The following C9 variants were observed in gnomAD, a reference collection of about 807,000 sequenced individuals.
The protein encoded by C9 is complement C9.
C9 carries 63 observed loss-of-function variants against 65.4 expected under a neutral mutation model. That is an observed-to-expected ratio of 0.96 (90% CI 0.79 to 1.19). C9 has a LOEUF of 1.19. Among genes scored for constraint, C9 ranks in the 50% most tolerant of loss-of-function variants. C9 has a pLI of 0.00. For missense variants in C9, 744 were observed against 670.1 expected, an observed-to-expected ratio of 1.11 and a Z score of -1.22; for synonymous variants, 229 against 227.9, an observed-to-expected ratio of 1.00 and a Z score of -0.04.
chr5:39,310,096 C>T (rs1282970263), intron 7 of C9, among the ~76,000 whole-genome samples: 1 of 152,170 alleles, frequency 6.6e-6, no homozygotes, highest in African/African-American at 2.4e-5. Flanking sequence ...GAAAGCTTCT[C>T]TCTGCCCAAA....
chr5:39,339,281 G>A (rs578051261), intron 4 of C9, among the ~76,000 whole-genome samples: 60 of 152,362 alleles, frequency 3.9e-4, no homozygotes, highest in African/African-American at 1.4e-3. Context: ...GGCACTGTAA[G>A]TAATTTTGAA....
At position 39,341,691 on chromosome 5, in the gene C9, T is replaced by G; in HGVS notation, c.193A>C (p.Arg65=). ...DPCLRQMFRS[R]SIEVFGQFNG... ...AATTGTCCAAAGACCTCAATGCTTC[T>G]TGAACGAAACTGCACAATATCAGTT... Residue 65 remains arginine (R), a synonymous_variant, in exon 3 of 11, where the codon AGA becomes CGA. Coordinates refer to ENST00000263408, the MANE Select transcript of C9 (RefSeq NM_001737.5). The G allele has an allele frequency of 6.2e-7, 1 of 1,614,110 alleles. No homozygotes were observed. The highest frequency in any genetic ancestry group is 1.3e-5 in the African/African-American group (1 of 75,040).
chr5:39,307,567 G>T (rs1753404200), intron 8 of C9, among the ~76,000 whole-genome samples: 1 of 151,978 alleles, frequency 6.6e-6, no homozygotes, highest in Admixed American at 6.6e-5. Flanking sequence ...AAATATATCA[G>T]GTTTTTCCTC....
At chr5:39,357,545 C>G (rs955959154) in intron 1 of C9, among the ~76,000 whole-genome samples, 5 of 135,506 alleles carry the variant, frequency 3.7e-5, no homozygotes, top group Non-Finnish European at 5.1e-5. Context: ...GGCCTACACT[C>G]TAGTGGGTGA....
intron 5 of C9, among the ~76,000 whole-genome samples, chr5:39,321,008 T>C (rs1025940226): frequency 1.3e-5 from 2 of 152,108 alleles, no homozygotes; most frequent in African/African-American, 4.8e-5. Context: ...CCTCTAGACC[T>C]TCCTATAAGA....
At chr5:39,347,534 T>A (rs1754228339) in intron 1 of C9, among the ~76,000 whole-genome samples, 2 of 152,106 alleles carry the variant, frequency 1.3e-5, no homozygotes, top group South Asian at 2.1e-4. Flanking sequence ...TGCAAACAAA[T>A]GGAAGAACAT....
rs141699887 is a variant in C9, at chr5:39,299,384, A to T, written c.1416+7233T>A. ...GTATTCAAATATTTATAATGGCTTT[A>T]TTCATAATCACCAAAAAATATCCCC... On this transcript the variant is annotated intron_variant, in intron 9 of 10. Coordinates refer to ENST00000263408, the MANE Select transcript of C9 (RefSeq NM_001737.5). 3.2e-4 allele frequency among the ~76,000 whole-genome samples: 48 copies of T among 152,242 alleles called. 1 individual carries two copies. In the East Asian group the frequency reaches 6.8e-3, roughly 21 times the overall value.
At chr5:39,321,850 T>C (rs1047537010) in intron 5 of C9, among the ~76,000 whole-genome samples, 1 of 152,018 alleles carries the variant, frequency 6.6e-6, no homozygotes, top group African/African-American at 2.4e-5. Flanking sequence ...CCTAAATGTA[T>C]AAAGTAAATG....
At chr5:39,331,625 C>A in intron 5 of C9, 51 bp downstream of exon 5, 1 of 1,552,654 alleles carries the variant, frequency 6.4e-7, no homozygotes, top group South Asian at 1.1e-5. Flanking sequence ...CTTATTTAAG[C>A]AATTTTTCAG....
chr5:39,326,750 T>C (rs1031584048), intron 5 of C9, among the ~76,000 whole-genome samples: 1 of 152,186 alleles, frequency 6.6e-6, no homozygotes, highest in African/African-American at 2.4e-5. Flanking sequence ...AATAACCAGG[T>C]ATGTAATAAG....
At chr5:39,362,505 C>A (rs114958255) in intron 1 of C9, among the ~76,000 whole-genome samples, 27 of 152,288 alleles carry the variant, frequency 1.8e-4, no homozygotes, top group African/African-American at 6.0e-4. Context: ...TGATTTCAGA[C>A]TTCTAACCTC....
At chr5:39,290,665 C>T (rs1167883915) in intron 9 of C9, among the ~76,000 whole-genome samples, 1 of 151,714 alleles carries the variant, frequency 6.6e-6, no homozygotes, top group Non-Finnish European at 1.5e-5. Flanking sequence ...AATCACTGAT[C>T]TAAGATCTGG....
chr5:39,295,875 T>C (rs1274476331), intron 9 of C9, among the ~76,000 whole-genome samples: 1 of 151,662 alleles, frequency 6.6e-6, no homozygotes, highest in Non-Finnish European at 1.5e-5. Flanking sequence ...CGGAAATTAA[T>C]ATATCTATCT....
chr5:39,290,454 A>AAAAC (rs144503664), intron 9 of C9, among the ~76,000 whole-genome samples: 27 of 150,516 alleles, frequency 1.8e-4, no homozygotes, highest in African/African-American at 3.4e-4. Flanking sequence ...GCCCAGAGCT[A>AAAAC]AAACAAACAA....
intron 9 of C9, among the ~76,000 whole-genome samples, chr5:39,289,858 G>GA (rs1753057585): frequency 6.6e-6 from 1 of 151,796 alleles, no homozygotes. Context: ...AGACAGCAGG[G>GA]AAAAAATTTC....
intron 8 of C9, 48 bp from the exon 9 acceptor site, chr5:39,306,840 G>T (rs368268028): frequency 1.5e-6 from 2 of 1,344,226 alleles, no homozygotes; most frequent in Non-Finnish European, 2.1e-6. Context: ...AGTTTAAAGA[G>T]AAGCCAGTTA....
At chr5:39,346,350 T>C (rs1227726140) in intron 1 of C9, among the ~76,000 whole-genome samples, 1 of 152,016 alleles carries the variant, frequency 6.6e-6, no homozygotes, top group African/African-American at 2.4e-5. Flanking sequence ...TCACCACTGA[T>C]CCCACAGAAA....
intron 7 of C9, among the ~76,000 whole-genome samples, chr5:39,308,856 T>C (rs1322568243): frequency 6.6e-6 from 1 of 152,158 alleles, no homozygotes; most frequent in Non-Finnish European, 1.5e-5. Flanking sequence ...GCTAGTAAGT[T>C]TGGATTTGAA....
At chr5:39,316,163 G>C (rs1259889969) in intron 5 of C9, 134 bp from the exon 6 acceptor site, 3 of 681,616 alleles carry the variant, frequency 4.4e-6, no homozygotes, top group Non-Finnish European at 7.4e-6. Context: ...CAAAAGTGAT[G>C]GAGTCAGATT....
Sources: allele counts gnomAD v4.1 joint callset (sites outside exome capture counted in the v4.1 genomes callset), GRCh38; gene constraint gnomAD v4.1.1; transcripts MANE v1.5; gene names NCBI Gene and HGNC (gene_info 2026-07-23, HGNC 2026-07-21).